TRPC4: variants seen among roughly 807,000 people sequenced by gnomAD.
TRPC4 encodes the protein short transient receptor potential channel 4.
TRPC4 carries 49 observed loss-of-function variants against 99.4 expected under a neutral mutation model. The ratio of observed to expected loss-of-function variants is 0.49; its 90% confidence interval spans 0.39 to 0.63. TRPC4 has a LOEUF of 0.63. TRPC4 is among the 20% of genes least tolerant of loss of function. The pLI is 0.00. For synonymous variants in TRPC4, 454 were observed against 425.9 expected (o/e 1.07, Z -0.81); for missense variants, 898 against 1,152.9 (o/e 0.78, Z 3.20).
chr13:37,803,238 G>A (rs745590339), intron 1 of TRPC4, among the ~76,000 whole-genome samples: 15 of 151,888 alleles, frequency 9.9e-5, no homozygotes, highest in Non-Finnish European at 2.1e-4. Context: ...CTCCAGCCCT[G>A]GAAGCAATCT....
intron 1 of TRPC4, among the ~76,000 whole-genome samples, chr13:37,824,463 T>C (rs544976357): frequency 3.0e-4 from 45 of 152,266 alleles, no homozygotes; most frequent in Non-Finnish European, 6.0e-4. Flanking sequence ...ACCTAATTTA[T>C]TGAGAGTTTT....
chr13:37,858,637 A>G (rs1184914436), intron 1 of TRPC4, among the ~76,000 whole-genome samples: 2 of 151,628 alleles, frequency 1.3e-5, no homozygotes, highest in African/African-American at 4.8e-5. Context: ...ACATGGATGG[A>G]ACTGGAGGTA....
chr13:37,867,015 C>T (rs17056742), intron 1 of TRPC4, among the ~76,000 whole-genome samples: 5,773 of 144,374 alleles, frequency 0.04, 169 homozygotes, highest in African/African-American at 0.082. Context: ...AATTCAATTT[C>T]TAAAGTCAAA....
In TRPC4 at chr13:37,782,983, G is replaced by A. The variant is rs1566167524; in HGVS notation, c.351C>T (p.Asn117=). 2 of 1,550,838 alleles carry A rather than the reference G, an allele frequency of 1.3e-6. No individual in the cohort carries two copies. Among genetic ancestry groups the A allele is most frequent in the South Asian group, 1.3e-5 (1 of 79,798 alleles). The change falls in exon 2 of 11, where the codon AAC becomes AAT. Residue 117 remains asparagine (N), a synonymous_variant. Transcript: ENST00000379705. The part of the protein sequence containing the change: ...EVVGAVELLL[N]HKKPSGEKQV... ...GTTTTTCTCCACTAGGTTTTTTGTGGTTCAATAACAGCTCAACAGCTCCGA... is the reference window on the plus strand; with the variant it reads ...GTTTTTCTCCACTAGGTTTTTTGTGATTCAATAACAGCTCAACAGCTCCGA...
At chr13:37,795,040 T>A (rs1030930062) in intron 1 of TRPC4, among the ~76,000 whole-genome samples, 2 of 152,182 alleles carry the variant, frequency 1.3e-5, no homozygotes, top group African/African-American at 4.8e-5. Context: ...TATTTTTTAC[T>A]TCTAAAAATA....
intron 1 of TRPC4, among the ~76,000 whole-genome samples, chr13:37,852,666 G>A (rs1274641951): frequency 6.6e-6 from 1 of 152,166 alleles, no homozygotes; most frequent in Non-Finnish European, 1.5e-5. Flanking sequence ...GGCACTTGGG[G>A]TCCCTGAGTC....
At chr13:37,831,754 A>G (rs763800890) in intron 1 of TRPC4, among the ~76,000 whole-genome samples, 1 of 152,232 alleles carries the variant, frequency 6.6e-6, no homozygotes, top group Non-Finnish European at 1.5e-5. Flanking sequence ...TATATGAAGG[A>G]CATTATGCTA....
chr13:37,739,046 A>G (rs1955498769), intron 3 of TRPC4, among the ~76,000 whole-genome samples: 1 of 152,212 alleles, frequency 6.6e-6, no homozygotes, highest in African/African-American at 2.4e-5. Context: ...GAGGAGGTTA[A>G]TATTAGAGGC....
intron 3 of TRPC4, among the ~76,000 whole-genome samples, chr13:37,743,202 T>C (rs1955641625): frequency 6.6e-6 from 1 of 152,122 alleles, no homozygotes; most frequent in East Asian, 1.9e-4. Context: ...ACAAGAAAAG[T>C]GTCTTTTAAA....
At chr13:37,752,921 GA>G (rs1385004697) in intron 2 of TRPC4, among the ~76,000 whole-genome samples, 1 of 151,752 alleles carries the variant, frequency 6.6e-6, no homozygotes, top group Non-Finnish European at 1.5e-5. Context: ...GTGCTGGGTG[GA>G]AAAAGGTGTT....
intron 3 of TRPC4, among the ~76,000 whole-genome samples, chr13:37,695,743 A>C (rs557784879): frequency 6.6e-6 from 1 of 152,256 alleles, no homozygotes; most frequent in African/African-American, 2.4e-5. Flanking sequence ...TATTATTTAT[A>C]GAATCACTGA....
chr13:37,790,667 T>A (rs1240406847), intron 1 of TRPC4, among the ~76,000 whole-genome samples: 1 of 152,124 alleles, frequency 6.6e-6, no homozygotes, highest in Non-Finnish European at 1.5e-5. Context: ...TCACAAAAAT[T>A]GCCTCATCCT....
At position 37,830,249 on chromosome 13, in the gene TRPC4, TG is replaced by T. The variant is rs535775390; in HGVS notation, c.-28+39345del. ...GTGGTAAAATTTCCCTCCAGCTGGC[TG>T]CACCATTAAAAATATTAAAGGAAGT... On this transcript the variant is annotated intron_variant, in intron 1 of 10. Coordinates refer to ENST00000379705, the MANE Select transcript of TRPC4 (RefSeq NM_016179.4). Among the ~76,000 whole-genome samples the T allele has an allele frequency of 3.0e-3, 450 of 151,878 alleles. 8 individuals carry two copies. Among genetic ancestry groups the T allele is most frequent in the Admixed American group, 6.1e-3 (93 of 15,242 alleles).
intron 1 of TRPC4, among the ~76,000 whole-genome samples, chr13:37,788,197 C>A (rs537037802): frequency 1.3e-5 from 2 of 152,188 alleles, no homozygotes; most frequent in South Asian, 4.1e-4. Context: ...CATCCATTCC[C>A]ATTTCTCTAA....
intron 8 of TRPC4, among the ~76,000 whole-genome samples, chr13:37,649,060 G>T (rs1344854774): frequency 6.6e-6 from 1 of 151,640 alleles, no homozygotes. Flanking sequence ...CTTATGAAAG[G>T]TAGTATATTA....
chr13:37,671,914 A>G (rs1952860250), intron 5 of TRPC4, among the ~76,000 whole-genome samples: 1 of 152,192 alleles, frequency 6.6e-6, no homozygotes, highest in Admixed American at 6.5e-5. Flanking sequence ...CCATATATTA[A>G]CAAACTATGT....
At chr13:37,664,219 C>G (rs997565570) in intron 5 of TRPC4, among the ~76,000 whole-genome samples, 12 of 152,230 alleles carry the variant, frequency 7.9e-5, no homozygotes, top group Middle Eastern at 3.4e-3. Flanking sequence ...GCTATTAAAA[C>G]ATATAAAAAG....
chr13:37,812,685 G>A (rs1347098934), intron 1 of TRPC4, among the ~76,000 whole-genome samples: 2 of 151,842 alleles, frequency 1.3e-5, no homozygotes, highest in African/African-American at 4.8e-5. Flanking sequence ...AGAGAGAGAA[G>A]GTTAAAAATA....
intron 2 of TRPC4, among the ~76,000 whole-genome samples, chr13:37,747,277 T>G (rs576356820): frequency 6.6e-6 from 1 of 152,164 alleles, no homozygotes; most frequent in Admixed American, 6.6e-5. Context: ...TCACATTTTA[T>G]GGATGTAGTT....
Sources: allele counts gnomAD v4.1 joint callset (sites outside exome capture counted in the v4.1 genomes callset), GRCh38; gene constraint gnomAD v4.1.1; transcripts MANE v1.5; gene names NCBI Gene and HGNC (gene_info 2026-07-23, HGNC 2026-07-21).